The following POU6F2 variants were observed in gnomAD, a reference collection of about 807,000 sequenced individuals.
The protein encoded by POU6F2 is POU class 6 homeobox 2.
In POU6F2, 31 loss-of-function variants were observed where a neutral mutation model predicts 71.3. The ratio of observed to expected loss-of-function variants is 0.43; its 90% CI spans 0.33 to 0.59. The LOEUF is 0.59. Ranked by LOEUF, POU6F2 falls within the 20% of genes least tolerant of loss-of-function variation. POU6F2 has a pLI of 0.04. For missense variants in POU6F2, 783 were observed against 856.8 expected (o/e 0.91, Z 1.07); for synonymous variants, 347 against 355.7 (o/e 0.98, Z 0.27).
At position 39,466,349 on chromosome 7, in the gene POU6F2, T is replaced by C. The variant is rs1172259122; in HGVS notation, c.*1663T>C. ...CCTAATAAGCAAGGACATGTTGGGA[T>C]GTGAGGACGGCTGTGCAGGTGAGCA... is the stretch of plus-strand genomic sequence containing the variant. On this transcript the variant is annotated 3_prime_UTR_variant, in exon 10 of 10. Coordinates refer to ENST00000518318, the MANE Select transcript of POU6F2 (RefSeq NM_001370959.1). The C allele has an allele frequency of 1.3e-5, 2 of 152,372 alleles. No individual in the cohort carries two copies. Among genetic ancestry groups the C allele is most frequent in the Non-Finnish European group, 2.9e-5 (2 of 68,032 alleles). 9.4% of individuals were successfully genotyped at this position (152,372 alleles called of 1,614,324 possible). A position where few individuals can be genotyped will look rare whatever the true frequency, so the allele number is the denominator to read the frequency against.
intron 2 of POU6F2, among the ~76,000 whole-genome samples, chr7:39,087,438 C>A (rs1432984627): frequency 6.6e-6 from 1 of 151,952 alleles, no homozygotes; most frequent in African/African-American, 2.4e-5. Flanking sequence ...AGCAATGCCA[C>A]CTCTGACATG....
At position 39,087,865 on chromosome 7, in the gene POU6F2, T is replaced by C. The variant is rs369671008; in HGVS notation, c.277+1834T>C. Among the ~76,000 whole-genome samples the C allele has an allele frequency of 9.2e-5, 14 of 152,286 alleles. No individual in the cohort carries two copies. The East Asian group carries it at 2.3e-3, about 25-fold the overall frequency. ...GTTTAGGGTTCCCAGTGTTGAACACTGTTATAGATTTGTTATGCTACGTCT... is the reference window on the plus strand; with the variant it reads ...GTTTAGGGTTCCCAGTGTTGAACACCGTTATAGATTTGTTATGCTACGTCT... On this transcript the variant is annotated intron_variant, in intron 2 of 9. Coordinates refer to ENST00000518318, the MANE Select transcript of POU6F2 (RefSeq NM_001370959.1).
intron 5 of POU6F2, among the ~76,000 whole-genome samples, chr7:39,384,140 A>G (rs1786886977): frequency 6.6e-6 from 1 of 152,206 alleles, no homozygotes. Context: ...GGGAGGATAA[A>G]TCCAAACCAG....
chr7:39,262,383 G>A (rs10224140), intron 4 of POU6F2, among the ~76,000 whole-genome samples: 138,141 of 152,170 alleles, frequency 0.91, 62,753 homozygotes, highest in Middle Eastern at 0.96. Flanking sequence ...CCAAGTCCCA[G>A]CAGATGCTTA....
intron 6 of POU6F2, among the ~76,000 whole-genome samples, chr7:39,413,053 C>T (rs937666190): frequency 2.0e-5 from 3 of 151,574 alleles, no homozygotes; most frequent in Non-Finnish European, 4.4e-5. Flanking sequence ...ATCCGCCTGC[C>T]TCGGCCCCCC....
At chr7:39,101,951 G>T (rs1791583889) in intron 2 of POU6F2, among the ~76,000 whole-genome samples, 1 of 152,054 alleles carries the variant, frequency 6.6e-6, no homozygotes, top group African/African-American at 2.4e-5. Context: ...ACAACAATTT[G>T]CTCATGAAAA....
rs573117982 is a variant in POU6F2, at chr7:39,170,291, T to C, written c.278-33944T>C. Among the ~76,000 whole-genome samples, 7 of 152,346 alleles carry C rather than the reference T, an allele frequency of 4.6e-5. No homozygotes were observed. In the South Asian group the frequency reaches 6.2e-4, roughly 14 times the overall value. ...GAGTTAGATTGGTAAAAACACATAT[T>C]CTTACATTTTGTCTTTTTTAAAGAG... On this transcript the variant is annotated intron_variant, in intron 2 of 9. Coordinates refer to ENST00000518318, the MANE Select transcript of POU6F2 (RefSeq NM_001370959.1).
intron 7 of POU6F2, among the ~76,000 whole-genome samples, chr7:39,435,172 T>A (rs926531307): frequency 2.0e-5 from 3 of 152,214 alleles, no homozygotes; most frequent in Non-Finnish European, 4.4e-5. Context: ...CGGGGTCAAA[T>A]GATGTTCCAG....
chr7:39,054,778 ACTT>A lies in POU6F2; in HGVS notation c.106-31081_106-31079del, dbSNP rs1176674128. ...GAAAAGATCAGAGCTTTTTGGAGAC[ACTT>A]AAAAAAAAAAAAAAGAGCAAGCAAA... On this transcript the variant is annotated intron_variant, in intron 1 of 9. Transcript: ENST00000518318. Among the ~76,000 whole-genome samples the A allele has an allele frequency of 7.0e-4, 14 of 20,016 alleles. No homozygotes were observed. The Admixed American group carries it at 8.6e-3, about 12-fold the overall frequency. The allele number at this position is 20,016 out of a possible 152,430, so 13.1% of individuals were successfully genotyped here.
intron 2 of POU6F2, among the ~76,000 whole-genome samples, chr7:39,119,534 C>T (rs539767242): frequency 3.0e-4 from 45 of 152,090 alleles, no homozygotes; most frequent in Non-Finnish European, 4.4e-4. Flanking sequence ...GAATTCAGTT[C>T]TCACCCTCCA....
chr7:39,219,000 T>A (rs1157515928), intron 4 of POU6F2, among the ~76,000 whole-genome samples: 6 of 152,114 alleles, frequency 3.9e-5, no homozygotes, highest in Non-Finnish European at 1.5e-5. Flanking sequence ...AGCACCATTC[T>A]TCAAGCCCTG....
chr7:39,305,505 A>G (rs1657812161), intron 4 of POU6F2, among the ~76,000 whole-genome samples: 1 of 152,230 alleles, frequency 6.6e-6, no homozygotes, highest in Non-Finnish European at 1.5e-5. Flanking sequence ...TAGCCTACTC[A>G]CAAGCATTCA....
At chr7:39,111,038 T>G (rs1168076578) in intron 2 of POU6F2, among the ~76,000 whole-genome samples, 1 of 152,224 alleles carries the variant, frequency 6.6e-6, no homozygotes, top group Non-Finnish European at 1.5e-5. Context: ...TTGTAAATTG[T>G]GTTATACATT....
intron 2 of POU6F2, among the ~76,000 whole-genome samples, chr7:39,140,263 G>A (rs1280604675): frequency 6.6e-6 from 1 of 152,182 alleles, no homozygotes; most frequent in East Asian, 1.9e-4. Context: ...ATTTTAGGTG[G>A]ACAGGAGTCT....
intron 4 of POU6F2, among the ~76,000 whole-genome samples, chr7:39,284,974 C>T (rs554009611): frequency 8.5e-5 from 13 of 152,258 alleles, no homozygotes; most frequent in African/African-American, 2.4e-4. Context: ...CTTCACTCCC[C>T]GTGGACCTGG....
At chr7:39,320,186 T>G (rs1785354880) in intron 4 of POU6F2, among the ~76,000 whole-genome samples, 2 of 152,140 alleles carry the variant, frequency 1.3e-5, no homozygotes, top group South Asian at 4.1e-4. Flanking sequence ...CTGAAGAGAA[T>G]AAAAACCAAC....
At chr7:39,350,072 C>T (rs1287066088) in intron 5 of POU6F2, among the ~76,000 whole-genome samples, 4 of 152,172 alleles carry the variant, frequency 2.6e-5, no homozygotes, top group Admixed American at 1.3e-4. Context: ...AGTTGGGCTC[C>T]GATCAATGCA....
At chr7:39,333,592 G>C (rs1046443946) in intron 4 of POU6F2, among the ~76,000 whole-genome samples, 1 of 152,046 alleles carries the variant, frequency 6.6e-6, no homozygotes, top group Non-Finnish European at 1.5e-5. Flanking sequence ...CAAAAAATTA[G>C]CCTGGCACAG....
chr7:39,309,041 CCATT>C (rs770109191), intron 4 of POU6F2, among the ~76,000 whole-genome samples: 5 of 152,256 alleles, frequency 3.3e-5, no homozygotes, highest in Non-Finnish European at 7.3e-5. Flanking sequence ...TCGCAAGCGG[CCATT>C]CAAAGTCTTC....
Sources: allele counts gnomAD v4.1 joint callset (sites outside exome capture counted in the v4.1 genomes callset), GRCh38; gene constraint gnomAD v4.1.1; transcripts MANE v1.5; gene names NCBI Gene and HGNC (gene_info 2026-07-23, HGNC 2026-07-21).